The following FRAS1 variants were observed in gnomAD, a reference collection of about 807,000 sequenced individuals.
FRAS1 encodes Fraser extracellular matrix complex subunit 1.
In FRAS1, 290 loss-of-function variants were observed where a neutral mutation model predicts 435.2. That is an observed-to-expected ratio of 0.67 (90% CI 0.61 to 0.73). The LOEUF (loss-of-function observed/expected upper bound fraction) is 0.73, where lower values mean the gene tolerates loss of function less well. Among genes scored for constraint, FRAS1 ranks in the 30% least tolerant of loss-of-function variants. FRAS1 has a pLI of 0.00. For missense variants in FRAS1, 4,860 were observed against 5,001.5 expected, an observed-to-expected ratio of 0.97 and a Z score of 0.85; for synonymous variants, 1,800 against 1,851.0, an observed-to-expected ratio of 0.97 and a Z score of 0.71.
At chr4:78,082,351 GA>G (rs1405054440) in intron 2 of FRAS1, among the ~76,000 whole-genome samples, 6 of 152,044 alleles carry the variant, frequency 3.9e-5, no homozygotes, top group African/African-American at 1.4e-4. Flanking sequence ...TCTCTGCAAT[GA>G]AATACATATA....
chr4:78,520,317 C>T (rs1721348909), intron 67 of FRAS1, among the ~76,000 whole-genome samples: 1 of 151,012 alleles, frequency 6.6e-6, no homozygotes, highest in Non-Finnish European at 1.5e-5. Context: ...TAACCTATTT[C>T]CCCAAACCCA....
intron 3 of FRAS1, among the ~76,000 whole-genome samples, chr4:78,238,049 T>C (rs1477108992): frequency 1.3e-5 from 2 of 152,174 alleles, no homozygotes; most frequent in African/African-American, 4.8e-5. Context: ...TGACATTAAC[T>C]TCAACATGCA....
At chr4:78,280,001 C>G (rs2110177028) in intron 10 of FRAS1, among the ~76,000 whole-genome samples, 1 of 152,292 alleles carries the variant, frequency 6.6e-6, no homozygotes, top group East Asian at 1.9e-4. Context: ...CACACTGTGG[C>G]TGTAACTTTC....
intron 9 of FRAS1, among the ~76,000 whole-genome samples, chr4:78,270,023 G>A (rs1003758311): frequency 2.0e-5 from 3 of 152,144 alleles, no homozygotes; most frequent in Non-Finnish European, 4.4e-5. Context: ...GGTGGGGAAA[G>A]GGTAGAGATT....
intron 26 of FRAS1, among the ~76,000 whole-genome samples, chr4:78,377,566 C>G (rs1378970430): frequency 6.6e-6 from 1 of 152,120 alleles, no homozygotes; most frequent in Non-Finnish European, 1.5e-5. Context: ...CCTTTTTGTC[C>G]ATCAGATGTT....
At chr4:78,423,192 A>G (rs1278611675) in intron 34 of FRAS1, among the ~76,000 whole-genome samples, 2 of 149,664 alleles carry the variant, frequency 1.3e-5, no homozygotes, top group African/African-American at 4.9e-5. Flanking sequence ...TTTAAGATGG[A>G]GTCTCACTCT....
At chr4:78,119,588 T>C (rs756259385) in intron 2 of FRAS1, among the ~76,000 whole-genome samples, 17 of 152,226 alleles carry the variant, frequency 1.1e-4, no homozygotes, top group Non-Finnish European at 1.0e-4. Context: ...TCCATTCAGC[T>C]GTTGTTGGAC....
chr4:78,266,272 A>G (rs1726351350), intron 7 of FRAS1, among the ~76,000 whole-genome samples: 1 of 152,210 alleles, frequency 6.6e-6, no homozygotes, highest in African/African-American at 2.4e-5. Context: ...CCCATCCCCA[A>G]GGAGACCTCC....
At chr4:78,224,697 T>C in intron 2 of FRAS1, among the ~76,000 whole-genome samples, 1 of 152,028 alleles carries the variant, frequency 6.6e-6, no homozygotes, top group Non-Finnish European at 1.5e-5. Context: ...GGCACCCAGC[T>C]AATTATTTAT....
chr4:78,209,398 T>C (rs1173680070), intron 2 of FRAS1, among the ~76,000 whole-genome samples: 3 of 151,712 alleles, frequency 2.0e-5, no homozygotes, highest in African/African-American at 7.3e-5. Context: ...GACTAGGGGG[T>C]GGCAGGAGAA....
In FRAS1 at chr4:78,481,280, T is replaced by C. The variant is rs537367551; in HGVS notation, c.8444-524T>C. Among the ~76,000 whole-genome samples the C allele has an allele frequency of 7.9e-5, 12 of 152,356 alleles. No homozygotes were observed. The South Asian group carries it at 2.5e-3, about 32-fold the overall frequency. ...AGATGAGTAATAAGCACATGCGGTT[T>C]AAGTCATGACATGTGCTTGGGTAAA... On this transcript the variant is annotated intron_variant, in intron 56 of 73. Transcript: ENST00000512123.
chr4:78,502,753 T>C (rs1294831368), intron 61 of FRAS1, among the ~76,000 whole-genome samples: 3 of 152,210 alleles, frequency 2.0e-5, no homozygotes, highest in Non-Finnish European at 2.9e-5. Flanking sequence ...AATACTGTGT[T>C]GAATAGGAGT....
chr4:78,115,805 AG>A (rs1336251509), intron 2 of FRAS1, among the ~76,000 whole-genome samples: 8 of 151,712 alleles, frequency 5.3e-5, no homozygotes, highest in Non-Finnish European at 1.0e-4. Flanking sequence ...GATTTTTTGA[AG>A]TTTTTTTTGT....
At chr4:78,400,924 C>G (rs1234965160) in intron 30 of FRAS1, 37 bp downstream of exon 30, 1 of 1,605,384 alleles carries the variant, frequency 6.2e-7, no homozygotes, top group Non-Finnish European at 8.5e-7. Flanking sequence ...TTCATCGTTG[C>G]ATTCAGCAGT....
chr4:78,261,805 C>T (rs4859919), intron 6 of FRAS1, among the ~76,000 whole-genome samples: 143,937 of 152,254 alleles, frequency 0.95, 68,438 homozygotes, highest in Non-Finnish European at 1. Flanking sequence ...TTTGGGTCTT[C>T]ATTTCCTTAT....
chr4:78,325,251 AT>A (rs1204864705), intron 18 of FRAS1, among the ~76,000 whole-genome samples: 2 of 152,214 alleles, frequency 1.3e-5, no homozygotes, highest in African/African-American at 4.8e-5. Flanking sequence ...CAGGTTTAGT[AT>A]CAGTTTTTAA....
chr4:78,477,454 G>A (rs1003255794), intron 54 of FRAS1, among the ~76,000 whole-genome samples: 1 of 152,158 alleles, frequency 6.6e-6, no homozygotes, highest in African/African-American at 2.4e-5. Flanking sequence ...ATACTCCAAG[G>A]CCAGAGTTCT....
At chr4:78,415,774 G>A (rs1350954149) in intron 32 of FRAS1, among the ~76,000 whole-genome samples, 3 of 152,170 alleles carry the variant, frequency 2.0e-5, no homozygotes, top group Non-Finnish European at 4.4e-5. Flanking sequence ...CAAATAAGGT[G>A]TTGAGGGATT....
chr4:78,082,683 A>G (rs780662141), intron 2 of FRAS1, among the ~76,000 whole-genome samples: 16 of 152,126 alleles, frequency 1.1e-4, no homozygotes, highest in Non-Finnish European at 1.6e-4. Context: ...CATTCACATA[A>G]TAAGTAGATA....
Sources: allele counts gnomAD v4.1 joint callset (sites outside exome capture counted in the v4.1 genomes callset), GRCh38; gene constraint gnomAD v4.1.1; transcripts MANE v1.5; gene names NCBI Gene and HGNC (gene_info 2026-07-23, HGNC 2026-07-21).